Variants in APBB1IP observed in about 807,000 individuals in gnomAD.
APBB1IP encodes amyloid beta A4 precursor protein-binding family B member 1-interacting protein.
APBB1IP carries 27 observed loss-of-function variants against 64.9 expected under a neutral mutation model. The ratio of observed to expected loss-of-function variants is 0.42; its 90% CI spans 0.31 to 0.57. The LOEUF is 0.57. APBB1IP is among the 20% of genes least tolerant of loss of function. The pLI is 0.20. For missense variants in APBB1IP, 812 were observed against 845.5 expected, an observed-to-expected ratio of 0.96 and a Z score of 0.49; for synonymous variants, 392 against 331.0, an observed-to-expected ratio of 1.18 and a Z score of -2.00.
At chr10:26,488,046 A>G (rs1835912689) in intron 2 of APBB1IP, among the ~76,000 whole-genome samples, 2 of 152,110 alleles carry the variant, frequency 1.3e-5, no homozygotes, top group African/African-American at 4.8e-5. Flanking sequence ...TTCTCACACT[A>G]TTGTACTCAG....
chr10:26,514,655 A>G (rs1564366009), intron 8 of APBB1IP, among the ~76,000 whole-genome samples: 1 of 147,312 alleles, frequency 6.8e-6, no homozygotes, highest in Non-Finnish European at 1.5e-5. Flanking sequence ...CATTTTCCAG[A>G]CACCTTTCCC....
At chr10:26,464,077 C>G (rs1269624141) in intron 2 of APBB1IP, among the ~76,000 whole-genome samples, 2 of 152,166 alleles carry the variant, frequency 1.3e-5, no homozygotes, top group Non-Finnish European at 2.9e-5. Context: ...TGTCTTGGCT[C>G]TGTCTTCAGC....
intron 6 of APBB1IP, chr10:26,509,784 T>C (rs1836229247): frequency 1.3e-5 from 2 of 152,184 alleles, no homozygotes; most frequent in South Asian, 4.1e-4. Context: ...GTCCATCTAA[T>C]CACTTTTTTA....
At chr10:26,548,742 T>A (rs2132475036) in intron 11 of APBB1IP, among the ~76,000 whole-genome samples, 1 of 152,318 alleles carries the variant, frequency 6.6e-6, no homozygotes, top group African/African-American at 2.4e-5. Flanking sequence ...GTTTTTTTGG[T>A]GGAGTCTTTG....
chr10:26,560,135 A>G lies in APBB1IP; in HGVS notation c.1186A>G (p.Ile396Val), dbSNP rs1451986969. The G allele has an allele frequency of 5.0e-6, 8 of 1,614,182 alleles. No homozygotes were observed. The highest frequency in any genetic ancestry group is 3.3e-5 in the Admixed American group (2 of 60,008). The change falls in exon 12 of 15, where the codon ATC becomes GTC. Residue 396 changes from isoleucine to valine, a missense_variant. Ile to Val is a conservative substitution (Grantham distance 29). Around this residue, in one of 3 missense-constraint regions of APBB1IP, gnomAD observed 37 missense variants for 80.4 expected, o/e 0.46. Transcript: ENST00000376236. The part of the protein sequence containing the change: ...HPQIQKESQY[I>V]KYLCCDDTRT... The stretch of plus-strand genomic sequence containing the variant: ...CCAAATTCAGAAGGAGTCCCAGTAT[A>G]TCAAGTATCTCTGCTGTGATGACAC...
chr10:26,446,952 T>TA (rs370066014), intron 2 of APBB1IP, among the ~76,000 whole-genome samples: 5 of 151,906 alleles, frequency 3.3e-5, no homozygotes, highest in African/African-American at 1.2e-4. Context: ...GACAGGCATG[T>TA]AAAAAAAATA....
intron 8 of APBB1IP, among the ~76,000 whole-genome samples, chr10:26,515,578 C>T (rs1836315996): frequency 6.6e-6 from 1 of 152,244 alleles, no homozygotes; most frequent in South Asian, 2.1e-4. Context: ...AGGGCCACCA[C>T]TTTGCATAAC....
intron 2 of APBB1IP, among the ~76,000 whole-genome samples, chr10:26,446,052 T>G (rs1201969447): frequency 6.6e-6 from 1 of 151,680 alleles, no homozygotes; most frequent in African/African-American, 2.4e-5. Flanking sequence ...GTTTGTAGGA[T>G]TTCACCTCAG....
chr10:26,500,658 C>A (rs547639740), intron 4 of APBB1IP, among the ~76,000 whole-genome samples, 161 bp from the exon 5 acceptor site: 1 of 152,178 alleles, frequency 6.6e-6, no homozygotes, highest in Non-Finnish European at 1.5e-5. Flanking sequence ...GGAATTCCTA[C>A]GCTTGTGCTA....
At chr10:26,524,974 T>TTTTTA (rs1554778195) in intron 8 of APBB1IP, among the ~76,000 whole-genome samples, 25 of 126,748 alleles carry the variant, frequency 2.0e-4, no homozygotes, top group Non-Finnish European at 3.1e-4. Context: ...TTTTTTTTTT[T>TTTTTA]ATAAAAAAAG....
chr10:26,454,658 C>A (rs1418305790), intron 2 of APBB1IP, among the ~76,000 whole-genome samples: 2 of 151,952 alleles, frequency 1.3e-5, no homozygotes, highest in Non-Finnish European at 2.9e-5. Context: ...TTTGCTAGCA[C>A]AACAGCATGA....
At chr10:26,442,125 C>T (rs561347919) in intron 2 of APBB1IP, among the ~76,000 whole-genome samples, 3 of 152,200 alleles carry the variant, frequency 2.0e-5, no homozygotes, top group East Asian at 1.9e-4. Flanking sequence ...GAATTCCATG[C>T]GGAACCAGAG....
chr10:26,535,015 T>G (rs922263458), intron 9 of APBB1IP, among the ~76,000 whole-genome samples: 3 of 152,136 alleles, frequency 2.0e-5, no homozygotes, highest in Non-Finnish European at 4.4e-5. Flanking sequence ...CCAGTTTATT[T>G]TGCATTTATG....
chr10:26,523,207 A>G (rs1397573846), intron 8 of APBB1IP, among the ~76,000 whole-genome samples: 1 of 152,170 alleles, frequency 6.6e-6, no homozygotes, highest in Non-Finnish European at 1.5e-5. Flanking sequence ...CCTTGTTCAC[A>G]TAAATAAGTA....
At position 26,492,202 on chromosome 10, in the gene APBB1IP, A is replaced by G. The variant is rs1835963660; in HGVS notation, c.1-125A>G. 1.2e-5 allele frequency: 9 copies of G among 765,078 alleles called. No individual in the cohort carries two copies. The Admixed American group carries it at 2.0e-4, about 17-fold the overall frequency. The allele number at this position is 765,078 out of a possible 1,614,324, so 47.4% of individuals were successfully genotyped here. On this transcript the variant is annotated intron_variant, in intron 2 of 14. Transcript: ENST00000376236. ...CAGGCTAACATAAGCCTTCCTCTCA[A>G]TATAGTCCTCTCCCAACTTAGCTGC...
At chr10:26,480,422 C>G (rs1184120353) in intron 2 of APBB1IP, among the ~76,000 whole-genome samples, 1 of 151,986 alleles carries the variant, frequency 6.6e-6, no homozygotes, top group Non-Finnish European at 1.5e-5. Flanking sequence ...GTACATTGGC[C>G]TCTGTGAGGA....
intron 2 of APBB1IP, among the ~76,000 whole-genome samples, chr10:26,451,862 A>G (rs1835468900): frequency 6.6e-6 from 1 of 152,232 alleles, no homozygotes; most frequent in Non-Finnish European, 1.5e-5. Context: ...GAGACTTCCT[A>G]TATAAGAGTA....
intron 2 of APBB1IP, among the ~76,000 whole-genome samples, chr10:26,477,632 G>A (rs1271721235): frequency 6.6e-6 from 1 of 152,202 alleles, no homozygotes; most frequent in African/African-American, 2.4e-5. Flanking sequence ...TACTTTTGAA[G>A]ATTTTTCATG....
At position 26,567,221 on chromosome 10, in the gene APBB1IP, G is replaced by T; in HGVS notation, c.1734G>T (p.Pro578=). Residue 578 remains proline, a synonymous_variant, in exon 15 of 15, where the codon CCG becomes CCT. Transcript: ENST00000376236. The stretch of plus-strand genomic sequence containing the variant: ...CGCCGCCCCCGGACTTCATGGAGCC[G>T]CCCCCAGACTTCGTGCCCCCGCCCC... ...LPPPPPDFME[P]PPDFVPPPPP... 2.2e-6 allele frequency: 3 copies of T among 1,346,378 alleles called. No individual in the cohort carries two copies. The highest frequency in any genetic ancestry group is 3.2e-5 in the South Asian group (2 of 63,088). 83.4% of individuals were successfully genotyped at this position (1,346,378 alleles called of 1,614,324 possible). A position where few individuals can be genotyped will look rare whatever the true frequency, so the allele number is the denominator to read the frequency against.
Sources: allele counts gnomAD v4.1 joint callset (sites outside exome capture counted in the v4.1 genomes callset), GRCh38; gene constraint gnomAD v4.1.1; regional missense constraint gnomAD v4.1.1; transcripts MANE v1.5; gene names NCBI Gene and HGNC (gene_info 2026-07-23, HGNC 2026-07-21).